GRM7: variants seen among roughly 807,000 people sequenced by gnomAD.
GRM7 encodes the protein glutamate metabotropic receptor 7.
In GRM7, 35 loss-of-function variants were observed where a neutral mutation model predicts 84.5. That is an observed-to-expected ratio of 0.41 (90% CI 0.32 to 0.55). The LOEUF (loss-of-function observed/expected upper bound fraction) is 0.55. Among genes scored for constraint, GRM7 ranks in the 20% least tolerant of loss-of-function variants. The pLI, the probability that GRM7 is intolerant of heterozygous loss-of-function variation, is 0.19. For synonymous variants in GRM7, 487 were observed against 455.1 expected, an observed-to-expected ratio of 1.07 and a Z score of -0.89; for missense variants, 1,003 against 1,194.6, an observed-to-expected ratio of 0.84 and a Z score of 2.36.
At chr3:7,645,041 A>G (rs569959490) in intron 8 of GRM7, among the ~76,000 whole-genome samples, 2 of 152,058 alleles carry the variant, frequency 1.3e-5, no homozygotes, top group African/African-American at 4.8e-5. Context: ...CAAACAGGAG[A>G]TGGAAAAGAA....
chr3:7,594,107 A>G (rs1212448296), intron 8 of GRM7, among the ~76,000 whole-genome samples: 6 of 152,138 alleles, frequency 3.9e-5, no homozygotes, highest in African/African-American at 1.4e-4. Flanking sequence ...GCTGACCCCA[A>G]TTCTTTCCTC....
In GRM7 at chr3:7,433,161, C is replaced by T. The variant is rs879397192; in HGVS notation, c.1174+17998C>T. 4.7e-4 allele frequency among the ~76,000 whole-genome samples: 71 copies of T among 152,208 alleles called. 1 individual carries two copies. The highest frequency in any genetic ancestry group is 5.1e-4 in the Non-Finnish European group (35 of 68,034). On this transcript the variant is annotated intron_variant, in intron 5 of 9. Coordinates refer to ENST00000357716, the MANE Select transcript of GRM7 (RefSeq NM_000844.4). The stretch of plus-strand genomic sequence containing the variant: ...TATTATGGCCAGGTGGCAGTCTCAT[C>T]TTCCAGTTCACTGGAATCATTTTTA...
chr3:6,979,846 T>G (rs1200193030), intron 1 of GRM7, among the ~76,000 whole-genome samples: 1 of 152,236 alleles, frequency 6.6e-6, no homozygotes, highest in Non-Finnish European at 1.5e-5. Flanking sequence ...AATAGGTTAT[T>G]ATCTGTGATT....
At chr3:7,274,349 G>A (rs1698974280) in intron 2 of GRM7, among the ~76,000 whole-genome samples, 1 of 151,902 alleles carries the variant, frequency 6.6e-6, no homozygotes, top group Non-Finnish European at 1.5e-5. Context: ...CTTCTCCAGT[G>A]ATCTTTTTTC....
chr3:7,249,917 T>C (rs1272354400), intron 2 of GRM7, among the ~76,000 whole-genome samples: 2 of 152,206 alleles, frequency 1.3e-5, no homozygotes, highest in African/African-American at 4.8e-5. Context: ...ATACCAGGTC[T>C]GCATTCAAAC....
chr3:7,414,866 T>C (rs959469855), intron 4 of GRM7, among the ~76,000 whole-genome samples, 157 bp from the exon 5 acceptor site: 1 of 151,964 alleles, frequency 6.6e-6, no homozygotes, highest in African/African-American at 2.4e-5. Context: ...GCAATTAGAA[T>C]ATTTTTCCTC....
chr3:7,118,396 T>C (rs60038236), intron 1 of GRM7, among the ~76,000 whole-genome samples: 41,343 of 150,686 alleles, frequency 0.27, 5,965 homozygotes, highest in African/African-American at 0.35. Flanking sequence ...TCTCAAAATA[T>C]GTAAGTATAA....
chr3:7,029,164 T>C (rs1441680991), intron 1 of GRM7, among the ~76,000 whole-genome samples: 1 of 151,912 alleles, frequency 6.6e-6, no homozygotes, highest in Admixed American at 6.6e-5. Flanking sequence ...ATTAGTTTGG[T>C]GTGGTTGCAC....
At position 7,058,687 on chromosome 3, in the gene GRM7, G is replaced by A. The variant is rs530830087; in HGVS notation, c.520-87765G>A. Among the ~76,000 whole-genome samples, 9 of 151,832 alleles carry A rather than the reference G, an allele frequency of 5.9e-5. No individual in the cohort carries two copies. The South Asian group carries it at 6.2e-4, about 11-fold the overall frequency. Reference sequence around the variant, plus strand: ...TACTTTCTGCAGAAAGGGTACACTCGCCAGCTGTTTTGCAAGAGTATACCG... The same window carrying A: ...TACTTTCTGCAGAAAGGGTACACTCACCAGCTGTTTTGCAAGAGTATACCG... On this transcript the variant is annotated intron_variant, in intron 1 of 9. Coordinates refer to ENST00000357716, the MANE Select transcript of GRM7 (RefSeq NM_000844.4).
chr3:7,028,094 G>T (rs1231451504), intron 1 of GRM7, among the ~76,000 whole-genome samples: 1 of 152,094 alleles, frequency 6.6e-6, no homozygotes, highest in Admixed American at 6.6e-5. Context: ...CAATAGAGTG[G>T]AAGCTCCAGG....
intron 2 of GRM7, among the ~76,000 whole-genome samples, chr3:7,249,062 T>C (rs919128354): frequency 6.6e-6 from 1 of 152,188 alleles, no homozygotes; most frequent in African/African-American, 2.4e-5. Flanking sequence ...GAAATTCACA[T>C]ATAATCTTCT....
chr3:7,398,752 C>T (rs1382877455), intron 4 of GRM7, among the ~76,000 whole-genome samples: 2 of 152,034 alleles, frequency 1.3e-5, no homozygotes, highest in Admixed American at 6.6e-5. Context: ...TCAAGAATGA[C>T]ATAAGAGCCT....
intron 8 of GRM7, among the ~76,000 whole-genome samples, chr3:7,665,168 C>CTTTT (rs34966790): frequency 1.6e-4 from 16 of 102,518 alleles, no homozygotes; most frequent in South Asian, 3.1e-4. Flanking sequence ...GCCCATGATT[C>CTTTT]TTTTTTTTTT....
At chr3:7,263,801 G>GCGGTA (rs1698530219) in intron 2 of GRM7, among the ~76,000 whole-genome samples, 1 of 152,088 alleles carries the variant, frequency 6.6e-6, no homozygotes, top group Admixed American at 6.5e-5. Flanking sequence ...CACAGCAATG[G>GCGGTA]CGGTAGGGTA....
chr3:6,864,018 G>C (rs143798738), intron 1 of GRM7, among the ~76,000 whole-genome samples: 1 of 152,118 alleles, frequency 6.6e-6, no homozygotes, highest in Non-Finnish European at 1.5e-5. Flanking sequence ...AAAAAGGGGT[G>C]GGGGGCTGGC....
intron 4 of GRM7, among the ~76,000 whole-genome samples, chr3:7,406,319 T>C (rs536834833): frequency 7.6e-4 from 116 of 152,030 alleles, no homozygotes; most frequent in Middle Eastern, 3.4e-3. Context: ...GCTAACAAGG[T>C]GCAACCCCGT....
intron 7 of GRM7, among the ~76,000 whole-genome samples, chr3:7,490,809 T>C (rs1461801157): frequency 6.6e-6 from 1 of 152,076 alleles, no homozygotes; most frequent in Non-Finnish European, 1.5e-5. Context: ...GTGTAAAGTA[T>C]GAACAAGTAT....
chr3:7,565,178 C>T (rs933034661), intron 7 of GRM7, among the ~76,000 whole-genome samples: 1 of 152,164 alleles, frequency 6.6e-6, no homozygotes, highest in African/African-American at 2.4e-5. Flanking sequence ...TTTCTAATTA[C>T]ACTTTAACTC....
chr3:7,046,492 T>G lies in GRM7; in HGVS notation c.520-99960T>G, dbSNP rs377261228. Among the ~76,000 whole-genome samples, 23 of 152,258 alleles carry G rather than the reference T, an allele frequency of 1.5e-4. No homozygotes were observed. In the East Asian group the frequency reaches 4.4e-3, roughly 29 times the overall value. On this transcript the variant is annotated intron_variant, in intron 1 of 9. Coordinates refer to ENST00000357716, the MANE Select transcript of GRM7 (RefSeq NM_000844.4). ...AATATAGTGGGACAATGAACTCATC[T>G]TTTTCAGAACTTCCTTTTGTTTCTT...
Sources: allele counts gnomAD v4.1 joint callset (sites outside exome capture counted in the v4.1 genomes callset), GRCh38; gene constraint gnomAD v4.1.1; transcripts MANE v1.5; gene names NCBI Gene and HGNC (gene_info 2026-07-23, HGNC 2026-07-21).